The following ASTN2 variants were observed in gnomAD, a reference collection of about 807,000 sequenced individuals.
ASTN2 encodes astrotactin 2.
Under a neutral mutation model 139.8 loss-of-function variants are expected in ASTN2, and 54 were observed. The ratio of observed to expected loss-of-function variants is 0.39; its 90% CI spans 0.31 to 0.48. ASTN2 has a LOEUF of 0.48. ASTN2 is among the 20% of genes least tolerant of loss of function. ASTN2 has a pLI of 0.95. For missense variants in ASTN2, 1,565 were observed against 1,725.1 expected, an observed-to-expected ratio of 0.91 and a Z score of 1.64; for synonymous variants, 756 against 719.5, an observed-to-expected ratio of 1.05 and a Z score of -0.81.
chr9:117,355,766 T>C (rs1829523371), intron 1 of ASTN2, among the ~76,000 whole-genome samples: 2 of 152,184 alleles, frequency 1.3e-5, no homozygotes, highest in African/African-American at 2.4e-5. Flanking sequence ...TCTGGCTACC[T>C]CTGAGCATCT....
intron 10 of ASTN2, among the ~76,000 whole-genome samples, chr9:116,965,826 T>G (rs114775029): frequency 2.9e-3 from 435 of 152,300 alleles, no homozygotes; most frequent in African/African-American, 9.5e-3. Context: ...GATGGGGTCT[T>G]GAGGTCAGAA....
At chr9:116,693,093 C>A (rs1198514384) in intron 16 of ASTN2, among the ~76,000 whole-genome samples, 3 of 152,134 alleles carry the variant, frequency 2.0e-5, no homozygotes, top group Admixed American at 6.5e-5. Context: ...AGTTTGTAAA[C>A]TGAATGCGTT....
intron 19 of ASTN2, chr9:116,584,695 C>T (rs761289143): frequency 6.6e-6 from 1 of 152,150 alleles, no homozygotes; most frequent in Admixed American, 6.6e-5. Context: ...CTAGCTACAG[C>T]AATTAGACAA....
intron 2 of ASTN2, among the ~76,000 whole-genome samples, chr9:117,219,620 A>G (rs1002126878): frequency 2.6e-5 from 4 of 152,214 alleles, no homozygotes; most frequent in East Asian, 3.8e-4. Context: ...TCAGTCTATT[A>G]GTTACAGGGT....
chr9:116,672,684 A>G (rs967474638), intron 16 of ASTN2, among the ~76,000 whole-genome samples: 19 of 152,202 alleles, frequency 1.2e-4, no homozygotes, highest in African/African-American at 4.6e-4. Context: ...TTTGCAGAGG[A>G]GGGAAGGGAA....
At chr9:116,696,950 T>TAAAAAAAAAA (rs11400163) in intron 16 of ASTN2, among the ~76,000 whole-genome samples, 1 of 137,120 alleles carries the variant, frequency 7.3e-6, no homozygotes, top group African/African-American at 2.7e-5. Flanking sequence ...GTGACATGAT[T>TAAAAAAAAAA]AAAAAAAAAA....
chr9:116,685,705 TATA>T (rs1860160706), intron 16 of ASTN2, among the ~76,000 whole-genome samples: 1 of 152,148 alleles, frequency 6.6e-6, no homozygotes, highest in Non-Finnish European at 1.5e-5. Context: ...TTGTGAGAGG[TATA>T]ATAATTCATT....
rs1264168656 is a variant in ASTN2, at chr9:116,598,176, A to G, written c.3355+20148T>C. 7.9e-5 allele frequency among the ~76,000 whole-genome samples: 12 copies of G among 152,148 alleles called. 1 individual carries two copies. Among genetic ancestry groups the G allele is most frequent in the Admixed American group, 7.9e-4 (12 of 15,278 alleles). On this transcript the variant is annotated intron_variant, in intron 19 of 22. Transcript: ENST00000313400. ...GATCTCATCTCAGATGGCTCCAGGG[A>G]AGTACCCAAAATCTCTCCTTTGGGA...
intron 3 of ASTN2, chr9:117,181,163 C>T (rs749679120): frequency 1.3e-5 from 9 of 717,170 alleles, no homozygotes; most frequent in Non-Finnish European, 2.0e-5. Context: ...AATGGGCCCC[C>T]ATGAGGAAAG....
chr9:116,635,930 A>C (rs1048533502), intron 17 of ASTN2, among the ~76,000 whole-genome samples: 2 of 152,254 alleles, frequency 1.3e-5, no homozygotes, highest in African/African-American at 4.8e-5. Flanking sequence ...GTGAGAACGG[A>C]GCAAGAAGTT....
At chr9:116,594,141 A>C (rs1474914817) in intron 19 of ASTN2, among the ~76,000 whole-genome samples, 1 of 152,200 alleles carries the variant, frequency 6.6e-6, no homozygotes, top group Admixed American at 6.5e-5. Flanking sequence ...GGAGCTAGAG[A>C]AGACATAATC....
intron 7 of ASTN2, among the ~76,000 whole-genome samples, chr9:116,977,244 G>A (rs569882593): frequency 9.2e-5 from 14 of 152,112 alleles, no homozygotes; most frequent in Non-Finnish European, 1.3e-4. Flanking sequence ...GTTAAATGCC[G>A]CTATCTCCAA....
intron 10 of ASTN2, among the ~76,000 whole-genome samples, chr9:116,924,067 G>A (rs115311579): frequency 1.1e-3 from 167 of 152,098 alleles, no homozygotes; most frequent in African/African-American, 3.8e-3. Flanking sequence ...AGGTGAATCC[G>A]TAAAGCAAAG....
intron 16 of ASTN2, among the ~76,000 whole-genome samples, chr9:116,708,521 G>C (rs10983312): frequency 0.075 from 11,405 of 152,016 alleles, 465 homozygotes; most frequent in East Asian, 0.15. Context: ...CTTTCTTCAG[G>C]AGCACAGTAA....
At chr9:116,795,705 A>T (rs1237412874) in intron 13 of ASTN2, among the ~76,000 whole-genome samples, 4 of 152,204 alleles carry the variant, frequency 2.6e-5, no homozygotes, top group Non-Finnish European at 5.9e-5. Flanking sequence ...GAATGAAAAA[A>T]AACCCATCTT....
At chr9:116,747,699 A>G (rs973421709) in intron 13 of ASTN2, among the ~76,000 whole-genome samples, 1 of 25,162 alleles carries the variant, frequency 4.0e-5, no homozygotes, top group Non-Finnish European at 1.1e-4. Context: ...ATGAGCACAC[A>G]CACACACACA....
intron 16 of ASTN2, chr9:116,687,159 C>A (rs1003022602): frequency 2.8e-6 from 3 of 1,070,084 alleles, no homozygotes; most frequent in East Asian, 6.8e-5. Context: ...TCGCTAAGGC[C>A]CCGGGTTCTC....
Position 116,618,435 on chromosome 9 carries a change from C to T in ASTN2, c.3244G>A (p.Val1082Met), listed in dbSNP as rs1166411733. ...LSPTVEPSST[V>M]VSLEWVDVQP... Reference sequence around the variant, plus strand: ...ACATCCACCCACTCCAAGGAGACCACAGTACTGGAGGGCTCCACTGTTGGG... The same window carrying T: ...ACATCCACCCACTCCAAGGAGACCATAGTACTGGAGGGCTCCACTGTTGGG... The change falls in exon 19 of 23, where the codon GTG (valine) becomes ATG (methionine). Residue 1082 changes from valine to methionine, a missense_variant. Physicochemically the swap from Val to Met is conservative, Grantham distance 21. Around this residue, in one of 4 missense-constraint regions of ASTN2, gnomAD observed 418 missense variants for 465.8 expected, o/e 0.90. Transcript: ENST00000313400. 1 of 1,614,012 alleles carries T rather than the reference C, an allele frequency of 6.2e-7. No individual in the cohort carries two copies. Among genetic ancestry groups the T allele is most frequent in the Non-Finnish European group, 8.5e-7 (1 of 1,179,998 alleles).
At chr9:117,206,753 A>C (rs2085861370) in intron 3 of ASTN2, among the ~76,000 whole-genome samples, 1 of 152,116 alleles carries the variant, frequency 6.6e-6, no homozygotes, top group Non-Finnish European at 1.5e-5. Flanking sequence ...ACCCACAGCT[A>C]TCCTGCCTTG....
Sources: allele counts gnomAD v4.1 joint callset (sites outside exome capture counted in the v4.1 genomes callset), GRCh38; gene constraint gnomAD v4.1.1; regional missense constraint gnomAD v4.1.1; transcripts MANE v1.5; gene names NCBI Gene and HGNC (gene_info 2026-07-23, HGNC 2026-07-21).